The following PDGFD variants were observed in gnomAD, a reference collection of about 807,000 sequenced individuals.
PDGFD encodes platelet derived growth factor D.
A neutral mutation model predicts 44.7 loss-of-function variants in PDGFD; 30 were observed. The ratio of observed to expected loss-of-function variants is 0.67; its 90% CI spans 0.50 to 0.91. The LOEUF (loss-of-function observed/expected upper bound fraction) is 0.91, where lower values mean the gene tolerates loss of function less well. Among genes scored for constraint, PDGFD ranks in the 40% least tolerant of loss-of-function variants. The pLI is 0.00. For synonymous variants in PDGFD, 173 were observed against 168.4 expected, an observed-to-expected ratio of 1.03 and a Z score of -0.21; for missense variants, 445 against 457.8, an observed-to-expected ratio of 0.97 and a Z score of 0.25.
At chr11:103,950,653 T>C (rs904541370) in intron 3 of PDGFD, among the ~76,000 whole-genome samples, 6 of 152,152 alleles carry the variant, frequency 3.9e-5, no homozygotes, top group African/African-American at 1.4e-4. Flanking sequence ...ACCCATTTTC[T>C]GGCAAAGCTA....
intron 1 of PDGFD, chr11:104,036,550 T>G: frequency 2.0e-6 from 1 of 502,860 alleles, no homozygotes; most frequent in South Asian, 2.8e-5. Flanking sequence ...TCCATGGGAG[T>G]AGGCATTCTA....
At chr11:104,121,092 C>T (rs1166038314) in intron 1 of PDGFD, among the ~76,000 whole-genome samples, 6 of 151,976 alleles carry the variant, frequency 3.9e-5, no homozygotes, top group Non-Finnish European at 7.4e-5. Context: ...TACAGAGTGA[C>T]AGCACATGTC....
intron 1 of PDGFD, among the ~76,000 whole-genome samples, chr11:104,046,297 A>C (rs1278299658): frequency 6.8e-6 from 1 of 147,672 alleles, no homozygotes; most frequent in African/African-American, 2.5e-5. Flanking sequence ...CTTCTGGTGC[A>C]TCTCATCAAG....
At chr11:103,966,447 T>C (rs963658684) in intron 3 of PDGFD, among the ~76,000 whole-genome samples, 24 of 152,158 alleles carry the variant, frequency 1.6e-4, no homozygotes, top group African/African-American at 5.8e-4. Flanking sequence ...GAGAGGAAGA[T>C]ACTATCTTTT....
At chr11:104,047,847 T>G (rs1860467830) in intron 1 of PDGFD, among the ~76,000 whole-genome samples, 1 of 152,126 alleles carries the variant, frequency 6.6e-6, no homozygotes, top group Non-Finnish European at 1.5e-5. Context: ...CAGCATCCTT[T>G]AGTCGAGCCA....
intron 1 of PDGFD, among the ~76,000 whole-genome samples, chr11:104,149,522 T>C (rs1175080944): frequency 6.6e-6 from 1 of 152,166 alleles, no homozygotes; most frequent in East Asian, 1.9e-4. Context: ...AAGGAATAAA[T>C]GTTTGCAAAG....
At position 104,083,245 on chromosome 11, in the gene PDGFD, G is replaced by A. The variant is rs1012751161; in HGVS notation, c.124+80559C>T. Among the ~76,000 whole-genome samples, 12 of 152,266 alleles carry A rather than the reference G, an allele frequency of 7.9e-5. No individual in the cohort carries two copies. In the East Asian group the frequency reaches 2.3e-3, roughly 29 times the overall value. ...ATTTTCTAACTAACTGCAGGGAGAAGTGGAAAAAACAGTAGATGGTGGCTT... is the reference window on the plus strand; with the variant it reads ...ATTTTCTAACTAACTGCAGGGAGAAATGGAAAAAACAGTAGATGGTGGCTT... On this transcript the variant is annotated intron_variant, in intron 1 of 6. Coordinates refer to ENST00000393158, the MANE Select transcript of PDGFD (RefSeq NM_025208.5).
chr11:104,149,756 A>G (rs1384326921), intron 1 of PDGFD, among the ~76,000 whole-genome samples: 1 of 152,200 alleles, frequency 6.6e-6, no homozygotes, highest in African/African-American at 2.4e-5. Context: ...AGTATATTCC[A>G]GTAGCTCAGG....
At chr11:103,913,789 A>G (rs973403638) in intron 6 of PDGFD, among the ~76,000 whole-genome samples, 1 of 152,162 alleles carries the variant, frequency 6.6e-6, no homozygotes, top group Non-Finnish European at 1.5e-5. Flanking sequence ...AGAATCAAAG[A>G]GATGCAATAA....
chr11:104,143,149 C>A (rs1415803752), intron 1 of PDGFD, among the ~76,000 whole-genome samples: 2 of 152,156 alleles, frequency 1.3e-5, no homozygotes, highest in Admixed American at 6.5e-5. Context: ...AGCATGCGAT[C>A]TTAAAAGGTC....
At position 104,154,132 on chromosome 11, in the gene PDGFD, A is replaced by G. The variant is rs530138223; in HGVS notation, c.124+9672T>C. ...TATGTTAATAGTTGTATAAATTGAT[A>G]GGGTACAATATGACACTGGTTTTAT... On this transcript the variant is annotated intron_variant, in intron 1 of 6. Coordinates refer to ENST00000393158, the MANE Select transcript of PDGFD (RefSeq NM_025208.5). Among the ~76,000 whole-genome samples, 19 of 152,340 alleles carry G rather than the reference A, an allele frequency of 1.2e-4. No individual in the cohort carries two copies. In the East Asian group the frequency reaches 2.9e-3, roughly 23 times the overall value.
At chr11:103,963,359 TG>T (rs758388888) in intron 3 of PDGFD, among the ~76,000 whole-genome samples, 51 of 152,290 alleles carry the variant, frequency 3.3e-4, no homozygotes, top group Non-Finnish European at 6.8e-4. Context: ...TAAAATAGTT[TG>T]GGTCTTCTCA....
At chr11:103,946,175 A>C (rs1318084585) in intron 4 of PDGFD, among the ~76,000 whole-genome samples, 1 of 152,248 alleles carries the variant, frequency 6.6e-6, no homozygotes, top group Non-Finnish European at 1.5e-5. Flanking sequence ...CTGGAAATGC[A>C]AAACCACTTT....
chr11:103,957,802 T>G (rs923373147), intron 3 of PDGFD, among the ~76,000 whole-genome samples: 4 of 151,198 alleles, frequency 2.6e-5, no homozygotes, highest in African/African-American at 9.9e-5. Context: ...TGTTTGCAGA[T>G]AGAGAGAGGG....
chr11:104,095,429 T>C (rs1861270761), intron 1 of PDGFD, among the ~76,000 whole-genome samples: 1 of 152,134 alleles, frequency 6.6e-6, no homozygotes, highest in Non-Finnish European at 1.5e-5. Flanking sequence ...TCAACCCTAA[T>C]CTGGGTTCCA....
intron 1 of PDGFD, among the ~76,000 whole-genome samples, chr11:104,035,884 T>C (rs1276631685): frequency 1.3e-5 from 2 of 152,186 alleles, no homozygotes; most frequent in Non-Finnish European, 2.9e-5. Flanking sequence ...TCCTCTGTTC[T>C]GTTGGTGATA....
At chr11:104,064,371 T>C (rs932989449) in intron 1 of PDGFD, among the ~76,000 whole-genome samples, 3 of 152,228 alleles carry the variant, frequency 2.0e-5, no homozygotes, top group African/African-American at 2.4e-5. Context: ...TTTATACAGA[T>C]GCCAAATGCA....
At chr11:103,976,438 T>C (rs1214365637) in intron 3 of PDGFD, among the ~76,000 whole-genome samples, 1 of 152,120 alleles carries the variant, frequency 6.6e-6, no homozygotes, top group African/African-American at 2.4e-5. Context: ...GCTGAGACGA[T>C]GGGGTTTTCT....
At chr11:104,009,941 G>T (rs1489703228) in intron 1 of PDGFD, among the ~76,000 whole-genome samples, 1 of 152,098 alleles carries the variant, frequency 6.6e-6, no homozygotes, top group Non-Finnish European at 1.5e-5. Context: ...AGGAATTTTT[G>T]GTTAACACAT....
Sources: allele counts gnomAD v4.1 joint callset (sites outside exome capture counted in the v4.1 genomes callset), GRCh38; gene constraint gnomAD v4.1.1; transcripts MANE v1.5; gene names NCBI Gene and HGNC (gene_info 2026-07-23, HGNC 2026-07-21).